UBE2E1: variants seen among roughly 807,000 people sequenced by gnomAD.
UBE2E1 encodes the protein ubiquitin conjugating enzyme E2 E1.
UBE2E1 carries 6 observed loss-of-function variants against 21.4 expected under a neutral mutation model. The ratio of observed to expected loss-of-function variants is 0.28; its 90% CI spans 0.15 to 0.55. UBE2E1 has a LOEUF of 0.55. UBE2E1 is among the 20% of genes least tolerant of loss of function. The probability of loss-of-function intolerance (pLI) is 0.93; values close to 1 mark genes in which losing one functional copy is unlikely to be tolerated. For synonymous variants in UBE2E1, 87 were observed against 82.7 expected (o/e 1.05, Z -0.28); for missense variants, 142 against 236.5 (o/e 0.60, Z 2.62).
chr3:23,837,366 G>A (rs1320037240), intron 3 of UBE2E1, among the ~76,000 whole-genome samples: 3 of 152,326 alleles, frequency 2.0e-5, no homozygotes. Flanking sequence ...CAGGGAGTGT[G>A]TTCCAAACCC....
At chr3:23,886,639 C>A (rs1701192402) in intron 3 of UBE2E1, among the ~76,000 whole-genome samples, 1 of 152,074 alleles carries the variant, frequency 6.6e-6, no homozygotes, top group African/African-American at 2.4e-5. Context: ...CTTTTTATTC[C>A]CTCCCTCTTC....
At chr3:23,852,592 A>T (rs1700349898) in intron 3 of UBE2E1, among the ~76,000 whole-genome samples, 1 of 151,908 alleles carries the variant, frequency 6.6e-6, no homozygotes, top group African/African-American at 2.4e-5. Flanking sequence ...AATACTTTTT[A>T]TTTCTCTTTT....
At chr3:23,852,231 G>GACT (rs1700340575) in intron 3 of UBE2E1, among the ~76,000 whole-genome samples, 1 of 151,968 alleles carries the variant, frequency 6.6e-6, no homozygotes, top group Non-Finnish European at 1.5e-5. Flanking sequence ...ACACAAAATG[G>GACT]ACTAACACAT....
chr3:23,817,644 T>C (rs1013300314), intron 3 of UBE2E1, among the ~76,000 whole-genome samples: 1 of 152,020 alleles, frequency 6.6e-6, no homozygotes, highest in Admixed American at 6.6e-5. Flanking sequence ...TACTTAGTGA[T>C]CTGGGAAGGC....
intron 3 of UBE2E1, among the ~76,000 whole-genome samples, chr3:23,830,853 T>C (rs1310047607): frequency 3.3e-5 from 5 of 152,226 alleles, no homozygotes; most frequent in African/African-American, 4.8e-5. Context: ...TCTGTTGCGG[T>C]CTTAACTGTG....
At chr3:23,861,566 C>G (rs1210845808) in intron 3 of UBE2E1, among the ~76,000 whole-genome samples, 1 of 152,216 alleles carries the variant, frequency 6.6e-6, no homozygotes, top group Admixed American at 6.5e-5. Flanking sequence ...GCCACGCCCC[C>G]ATTCTGTGCC....
chr3:23,876,426 TA>T lies in UBE2E1; in HGVS notation c.204-11140del, dbSNP rs992705497. Among the ~76,000 whole-genome samples the T allele has an allele frequency of 6.6e-6, 1 of 152,218 alleles. No individual in the cohort carries two copies. The highest frequency in any genetic ancestry group is 2.4e-5 in the African/African-American group (1 of 41,448). On this transcript the variant is annotated intron_variant, in intron 3 of 5. Transcript: ENST00000306627. The surrounding 1 kb of genome is among the most constrained non-coding windows in gnomAD (Gnocchi z 4.3). ...GTGCTGAGGGTAAGAATGTACCAAG[TA>T]GATCTCATGGAGAAGGCAGCTTTCA...
At chr3:23,815,835 AG>A (rs1400667286) in intron 3 of UBE2E1, among the ~76,000 whole-genome samples, 1 of 152,244 alleles carries the variant, frequency 6.6e-6, no homozygotes, top group Non-Finnish European at 1.5e-5. Flanking sequence ...AAATGCGTTA[AG>A]GATAGAAGTG....
chr3:23,830,403 G>A (rs557726550), intron 3 of UBE2E1, among the ~76,000 whole-genome samples: 5 of 149,726 alleles, frequency 3.3e-5, no homozygotes, highest in Admixed American at 6.7e-5. Context: ...TATACCAGTC[G>A]GGAGTGGGTT....
chr3:23,849,728 G>A (rs1400057083), intron 3 of UBE2E1, among the ~76,000 whole-genome samples: 1 of 152,176 alleles, frequency 6.6e-6, no homozygotes, highest in Non-Finnish European at 1.5e-5. Context: ...TGGTGTATAT[G>A]TGCCACGTTT....
chr3:23,813,525 G>T (rs1699446974), intron 3 of UBE2E1, among the ~76,000 whole-genome samples: 1 of 151,260 alleles, frequency 6.6e-6, no homozygotes, highest in Admixed American at 6.6e-5. Context: ...AGATAAAGAT[G>T]GATTATTTAT....
chr3:23,816,706 CA>C lies in UBE2E1; in HGVS notation c.203+5205del, dbSNP rs145735853. Among the ~76,000 whole-genome samples the C allele has an allele frequency of 3.0e-4, 45 of 149,250 alleles. No homozygotes were observed. Among genetic ancestry groups the C allele is most frequent in the Admixed American group, 5.3e-4 (8 of 15,046 alleles). ...TGGGCAACAAAGCGAGGCTCCATCT[CA>C]AAAAAAAAGGTTATACTAAGTGAAA... On this transcript the variant is annotated intron_variant, in intron 3 of 5. Coordinates refer to ENST00000306627, the MANE Select transcript of UBE2E1 (RefSeq NM_003341.5). This position sits in a 1 kb window ranked among gnomAD's most constrained non-coding sequence, Gnocchi z 4.8.
rs1480378541 is a variant in UBE2E1, at chr3:23,853,658, T to C, written c.204-33909T>C. ...AGTTGGAGGGGAGAGGAGACACTTGTCCCTCTTAACTTGTTTCTTGGTAAT... is the reference window on the plus strand; with the variant it reads ...AGTTGGAGGGGAGAGGAGACACTTGCCCCTCTTAACTTGTTTCTTGGTAAT... On this transcript the variant is annotated intron_variant, in intron 3 of 5. Transcript: ENST00000306627. This position sits in a 1 kb window ranked among gnomAD's most constrained non-coding sequence, Gnocchi z 4.1. Among the ~76,000 whole-genome samples the C allele has an allele frequency of 6.6e-6, 1 of 152,194 alleles. No individual in the cohort carries two copies. Among genetic ancestry groups the C allele is most frequent in the Non-Finnish European group, 1.5e-5 (1 of 68,030 alleles).
At chr3:23,889,479 A>C in intron 5 of UBE2E1, 1 of 1,385,932 alleles carries the variant, frequency 7.2e-7, no homozygotes. Flanking sequence ...TTTAAACTGA[A>C]GACTGACGTA....
chr3:23,814,277 A>C (rs1175751655), intron 3 of UBE2E1, among the ~76,000 whole-genome samples: 1 of 152,226 alleles, frequency 6.6e-6, no homozygotes, highest in African/African-American at 2.4e-5. Flanking sequence ...ATCAAAACTT[A>C]TGTGAAATGC....
Position 23,863,450 on chromosome 3 carries a change from A to G in UBE2E1, c.204-24117A>G, listed in dbSNP as rs921654381. Among the ~76,000 whole-genome samples, 1 of 152,146 alleles carries G rather than the reference A, an allele frequency of 6.6e-6. No homozygotes were observed. The highest frequency in any genetic ancestry group is 2.4e-5 in the African/African-American group (1 of 41,406). On this transcript the variant is annotated intron_variant, in intron 3 of 5. Coordinates refer to ENST00000306627, the MANE Select transcript of UBE2E1 (RefSeq NM_003341.5). The surrounding 1 kb of genome is among the most constrained non-coding windows in gnomAD (Gnocchi z 4.3). The stretch of plus-strand genomic sequence containing the variant: ...CCACTACATATATATACTTGTCACA[A>G]ATTCAACCCCAGATGCCTTCACAAT...
intron 2 of UBE2E1, 106 bp downstream of exon 2, chr3:23,807,527 A>C: frequency 2.2e-6 from 3 of 1,379,812 alleles, no homozygotes; most frequent in Non-Finnish European, 2.9e-6. Flanking sequence ...CTCATGGTTT[A>C]TGTGTTCTTA....
chr3:23,872,489 C>G (rs1279611013), intron 3 of UBE2E1, among the ~76,000 whole-genome samples: 1 of 151,958 alleles, frequency 6.6e-6, no homozygotes, highest in Non-Finnish European at 1.5e-5. Context: ...CCAATTACAC[C>G]AAAATACTTT....
At chr3:23,871,970 T>C (rs1700805675) in intron 3 of UBE2E1, among the ~76,000 whole-genome samples, 1 of 149,458 alleles carries the variant, frequency 6.7e-6, no homozygotes, top group South Asian at 2.1e-4. Context: ...CCAGACAGGG[T>C]GGCGGCTGGG....
Sources: gnomAD v4.1 joint callset for allele counts (sites outside exome capture counted in the v4.1 genomes callset) on GRCh38, gnomAD v4.1.1 for gene constraint, Gnocchi (gnomAD v3.1) non-coding constraint, MANE v1.5 for transcripts, NCBI Gene and HGNC (gene_info 2026-07-23, HGNC 2026-07-21) for gene names.